Variants in TNFSF4 observed in about 807,000 individuals in gnomAD.
TNFSF4 encodes tumor necrosis factor ligand superfamily member 4.
A neutral mutation model predicts 7.3 loss-of-function variants in TNFSF4; 4 were observed. The observed-to-expected ratio is 0.55, with a 90% CI of 0.27 to 1.25. The LOEUF (loss-of-function observed/expected upper bound fraction) is 1.25, where lower values mean the gene tolerates loss of function less well. Among genes scored for constraint, TNFSF4 ranks in the 50% most tolerant of loss-of-function variants. The pLI, the probability that TNFSF4 is intolerant of heterozygous loss-of-function variation, is 0.12. For missense variants in TNFSF4, 181 were observed against 208.8 expected, an observed-to-expected ratio of 0.87 and a Z score of 0.82; for synonymous variants, 76 against 83.7, an observed-to-expected ratio of 0.91 and a Z score of 0.50.
the TNFSF4 span, among the ~76,000 whole-genome samples, chr1:173,371,289 G>C: frequency 6.6e-6 from 1 of 152,190 alleles, no homozygotes; most frequent in Admixed American, 6.5e-5. Context: ...GACAGACTTT[G>C]CTTTTTTCAC....
the TNFSF4 span, among the ~76,000 whole-genome samples, chr1:173,351,461 G>A: frequency 1.3e-5 from 2 of 152,216 alleles, no homozygotes; most frequent in African/African-American, 4.8e-5. Flanking sequence ...AATGTGGGAA[G>A]GTGCACTGAA....
At chr1:173,196,138 A>G (rs1349111308) in intron 1 of TNFSF4, among the ~76,000 whole-genome samples, 2 of 152,206 alleles carry the variant, frequency 1.3e-5, no homozygotes, top group Non-Finnish European at 2.9e-5. Context: ...CAGCCCCCTT[A>G]CAAAAAGATG....
the TNFSF4 span, among the ~76,000 whole-genome samples, chr1:173,239,760 G>A: frequency 0.027 from 4,174 of 152,274 alleles, 68 homozygotes; most frequent in Middle Eastern, 0.058. Flanking sequence ...ACCGGGCACA[G>A]TGGCTCACAC....
At chr1:173,311,932 T>C in the TNFSF4 span, among the ~76,000 whole-genome samples, 1 of 152,146 alleles carries the variant, frequency 6.6e-6, no homozygotes, top group African/African-American at 2.4e-5. Context: ...GAAATTATAA[T>C]AGGCATCCTT....
At chr1:173,182,692 G>A (rs931985106), downstream of TNFSF4, among the ~76,000 whole-genome samples, 1 of 152,200 alleles carries the variant, frequency 6.6e-6, no homozygotes, top group African/African-American at 2.4e-5. Context: ...AACAAATGAG[G>A]CACTGGAGTA....
the TNFSF4 span, among the ~76,000 whole-genome samples, chr1:173,426,074 A>G: frequency 6.6e-6 from 1 of 152,234 alleles, no homozygotes; most frequent in East Asian, 1.9e-4. Context: ...TGCTGTATCA[A>G]TAGAAGTTTA....
At chr1:173,429,738 G>A in the TNFSF4 span, among the ~76,000 whole-genome samples, 2 of 152,176 alleles carry the variant, frequency 1.3e-5, no homozygotes, top group African/African-American at 4.8e-5. Context: ...TTTTTAATTG[G>A]GTCTGAATAA....
chr1:173,174,972 A>C, the TNFSF4 span: 1 of 152,214 alleles, frequency 6.6e-6, no homozygotes, highest in East Asian at 1.9e-4. Flanking sequence ...AAACCTACAG[A>C]CTTTCATCTT....
the TNFSF4 span, among the ~76,000 whole-genome samples, chr1:173,304,977 T>G: frequency 2.6e-5 from 4 of 151,954 alleles, no homozygotes; most frequent in African/African-American, 9.7e-5. Context: ...GGGGTCTAGC[T>G]GCAAACCCAG....
chr1:173,206,981 A>C, intron 1 of TNFSF4, 43 bp downstream of exon 1: 1 of 1,551,874 alleles, frequency 6.4e-7, no homozygotes, highest in Non-Finnish European at 8.8e-7. Context: ...AGCTGCCATC[A>C]GCATGAGCTG....
At chr1:173,240,768 T>C in the TNFSF4 span, among the ~76,000 whole-genome samples, 2 of 152,174 alleles carry the variant, frequency 1.3e-5, no homozygotes, top group Non-Finnish European at 1.5e-5. Flanking sequence ...CACTGCAGAA[T>C]AGCTGTACCT....
chr1:173,386,053 A>ATT, the TNFSF4 span, among the ~76,000 whole-genome samples: 2 of 152,196 alleles, frequency 1.3e-5, no homozygotes, highest in Non-Finnish European at 2.9e-5. Flanking sequence ...CCCCAAGGGC[A>ATT]TTTCAGAGAT....
rs1416945168 is a variant in TNFSF4 at position 173,186,240 on chromosome 1, C to A, written c.*276G>T. ...CTTGAAGAAGAGGCATCTATTTTTT[C>A]TTTCTCACAAAGGTGCCTAGTAGGC... is the stretch of plus-strand genomic sequence containing the variant. On this transcript the variant is annotated 3_prime_UTR_variant, in exon 3 of 3. Transcript: ENST00000281834. 3 of 332,004 alleles carry A rather than the reference C, an allele frequency of 9.0e-6. No individual in the cohort carries two copies. The highest frequency in any genetic ancestry group is 1.6e-5 in the Non-Finnish European group (3 of 182,356). The allele number at this position is 332,004 out of a possible 1,614,324, so 20.6% of individuals were successfully genotyped here. A position where few individuals can be genotyped will look rare whatever the true frequency, so the allele number is the denominator to read the frequency against.
chr1:173,431,495 C>T, the TNFSF4 span, among the ~76,000 whole-genome samples: 2 of 152,226 alleles, frequency 1.3e-5, no homozygotes, highest in Non-Finnish European at 2.9e-5. Flanking sequence ...AAGCCACCTC[C>T]GTGAGCCTGC....
At chr1:173,243,409 T>C in the TNFSF4 span, among the ~76,000 whole-genome samples, 1 of 152,144 alleles carries the variant, frequency 6.6e-6, no homozygotes, top group African/African-American at 2.4e-5. Context: ...CAGAACTCCT[T>C]GGGCAAGTGG....
the TNFSF4 span, among the ~76,000 whole-genome samples, chr1:173,233,728 A>C: frequency 6.6e-6 from 1 of 152,212 alleles, no homozygotes; most frequent in South Asian, 2.1e-4. Flanking sequence ...AAAATTCGAA[A>C]GACTATTTCT....
chr1:173,244,658 CAAAAAAAACAA>C, the TNFSF4 span, among the ~76,000 whole-genome samples: 1 of 135,948 alleles, frequency 7.4e-6, no homozygotes, highest in Admixed American at 7.3e-5. Context: ...AAACAAAAAA[CAAAAAAAACAA>C]AAAAAAAACA....
the TNFSF4 span, among the ~76,000 whole-genome samples, chr1:173,223,035 G>C: frequency 6.6e-6 from 1 of 152,238 alleles, no homozygotes; most frequent in Non-Finnish European, 1.5e-5. Context: ...TTAAGAGCAA[G>C]AGCTTTGGAG....
chr1:173,260,951 A>G, the TNFSF4 span, among the ~76,000 whole-genome samples: 2 of 152,304 alleles, frequency 1.3e-5, no homozygotes, highest in Middle Eastern at 3.4e-3. Flanking sequence ...ATTAATAAAG[A>G]TATTCAGGGC....
Sources: gnomAD v4.1 joint callset for allele counts (sites outside exome capture counted in the v4.1 genomes callset) on GRCh38, gnomAD v4.1.1 for gene constraint, MANE v1.5 for transcripts, NCBI Gene and HGNC (gene_info 2026-07-23, HGNC 2026-07-21) for gene names.